The following RLN2 variants were observed in gnomAD, a reference collection of about 807,000 sequenced individuals.
RLN2 encodes the protein prorelaxin H2.
RLN2 carries 10 observed loss-of-function variants against 7.3 expected under a neutral mutation model. That is an observed-to-expected ratio of 1.36 (90% confidence interval 0.84 to 2.31). The LOEUF is 2.31. Among genes scored for constraint, RLN2 ranks in the 30% most tolerant of loss-of-function variants. The pLI, the probability that RLN2 is intolerant of heterozygous loss-of-function variation, is 0.00. For missense variants in RLN2, 298 were observed against 217.6 expected (o/e 1.37, Z -2.32); for synonymous variants, 103 against 82.3 (o/e 1.25, Z -1.36).
upstream of RLN2, among the ~76,000 whole-genome samples, chr9:5,307,810 T>A (rs1288598711): frequency 1.3e-5 from 2 of 152,070 alleles, no homozygotes; most frequent in African/African-American, 4.8e-5. Context: ...GCCTTCTACC[T>A]GCACCATCTT....
At chr9:5,325,450 T>G in the RLN2 span, among the ~76,000 whole-genome samples, 20 of 152,164 alleles carry the variant, frequency 1.3e-4, no homozygotes, top group Admixed American at 3.3e-4. Context: ...ATGAGGTAAA[T>G]ACACAATAGA....
chr9:5,323,496 G>A, the RLN2 span, among the ~76,000 whole-genome samples: 6 of 151,718 alleles, frequency 4.0e-5, no homozygotes, highest in Non-Finnish European at 8.8e-5. Flanking sequence ...TGGCTCAATA[G>A]GCAGATTTTT....
At chr9:5,307,806 T>A (rs530562886), upstream of RLN2, among the ~76,000 whole-genome samples, 20 of 152,190 alleles carry the variant, frequency 1.3e-4, no homozygotes, top group African/African-American at 4.6e-4. Context: ...TGTGGCCTTC[T>A]ACCTGCACCA....
the RLN2 span, among the ~76,000 whole-genome samples, chr9:5,324,514 G>C: frequency 2.6e-5 from 4 of 152,026 alleles, no homozygotes; most frequent in Admixed American, 2.6e-4. Context: ...TCCCTAACCT[G>C]ATGGTCCCTG....
At chr9:5,305,461 C>G (rs539689670), upstream of RLN2, among the ~76,000 whole-genome samples, 2 of 151,258 alleles carry the variant, frequency 1.3e-5, no homozygotes, top group Non-Finnish European at 1.5e-5. Flanking sequence ...CACAATCCCA[C>G]AAAGAATATT....
At chr9:5,324,746 C>T in the RLN2 span, among the ~76,000 whole-genome samples, 4 of 152,104 alleles carry the variant, frequency 2.6e-5, 1 homozygote, top group East Asian at 7.7e-4. Context: ...ACCTTTATAT[C>T]CTCATTGAAT....
rs1294413052 is a variant in RLN2, at chr9:5,302,921, C to T, written c.211+1449G>A. 1.0e-4 allele frequency among the ~76,000 whole-genome samples: 15 copies of T among 145,742 alleles called. 1 individual carries two copies. Among genetic ancestry groups the T allele is most frequent in the Admixed American group, 2.8e-4 (4 of 14,438 alleles). ...TCCACTTACTTGTTTAATATAATTT[C>T]ATTTTCTCATAAAATTCACATATAC... is the stretch of plus-strand genomic sequence containing the variant. On this transcript the variant is annotated intron_variant, in intron 1 of 1. Transcript: ENST00000381627.
At chr9:5,324,495 T>C in the RLN2 span, among the ~76,000 whole-genome samples, 1 of 152,050 alleles carries the variant, frequency 6.6e-6, no homozygotes. Context: ...ATTACCATAA[T>C]GAAATAAATC....
the RLN2 span, among the ~76,000 whole-genome samples, chr9:5,314,036 C>T: frequency 6.6e-6 from 1 of 152,046 alleles, no homozygotes; most frequent in African/African-American, 2.4e-5. Flanking sequence ...CACCTACAGT[C>T]CTCACCTCTG....
At chr9:5,304,934 A>G (rs1355133303), upstream of RLN2, 2 of 223,090 alleles carry the variant, frequency 9.0e-6, no homozygotes, top group Non-Finnish European at 1.8e-5. Context: ...TTTAGATATG[A>G]AGCCTTTCCT....
In RLN2 at chr9:5,304,634, G is replaced by C. The variant is rs1816208609; in HGVS notation, c.-54C>G. ...GACGTTGCAGCCTTTCAGGACTGCAGCTGCTGTGGCCTACACACCTGGGCC... is the reference window on the plus strand; with the variant it reads ...GACGTTGCAGCCTTTCAGGACTGCACCTGCTGTGGCCTACACACCTGGGCC... On this transcript the variant is annotated 5_prime_UTR_variant, in exon 1 of 2. Transcript: ENST00000381627. 4 of 1,556,392 alleles carry C rather than the reference G, an allele frequency of 2.6e-6. No homozygotes were observed. Among genetic ancestry groups the C allele is most frequent in the South Asian group, 1.1e-5 (1 of 89,508 alleles).
the RLN2 span, among the ~76,000 whole-genome samples, chr9:5,325,184 A>C: frequency 3.3e-5 from 5 of 151,950 alleles, no homozygotes; most frequent in Non-Finnish European, 7.4e-5. Flanking sequence ...CGATAGGGGA[A>C]TTTAAGGCTG....
the RLN2 span, among the ~76,000 whole-genome samples, chr9:5,332,262 G>A: frequency 6.6e-6 from 1 of 151,820 alleles, no homozygotes; most frequent in African/African-American, 2.4e-5. Context: ...TGTATGTGCA[G>A]AAGTAGACTG....
rs769103675 is a variant in RLN2 at position 5,300,474 on chromosome 9, G to C, written c.212-30C>G. 2.7e-6 allele frequency: 4 copies of C among 1,474,626 alleles called. No homozygotes were observed. The Admixed American group carries it at 7.6e-5, about 28-fold the overall frequency. The allele number at this position is 1,474,626 out of a possible 1,614,324, so 91.3% of individuals were successfully genotyped here. ...TAAATTTAAAAAAAAAGGTGTATGT[G>C]AGGGTATATTCATGTCAAAGAGCAC... is the stretch of plus-strand genomic sequence containing the variant. On this transcript the variant is annotated intron_variant, in intron 1 of 1. Transcript: ENST00000381627.
chr9:5,339,297 T>C, the RLN2 span: 3 of 391,278 alleles, frequency 7.7e-6, no homozygotes, highest in South Asian at 6.7e-5. Flanking sequence ...GTGAAGCAGC[T>C]TCCTGTTCTC....
upstream of RLN2, among the ~76,000 whole-genome samples, chr9:5,307,977 C>T (rs1323478955): frequency 2.6e-5 from 4 of 151,980 alleles, no homozygotes; most frequent in South Asian, 2.1e-4. Context: ...GATCTGTCAA[C>T]AACAGGCAAC....
chr9:5,317,446 T>C, the RLN2 span, among the ~76,000 whole-genome samples: 1 of 130,074 alleles, frequency 7.7e-6, no homozygotes, highest in Non-Finnish European at 1.6e-5. Flanking sequence ...AGTGAGACTC[T>C]GTCTTAAAAA....
the RLN2 span, among the ~76,000 whole-genome samples, chr9:5,329,021 C>T: frequency 6.6e-6 from 1 of 151,962 alleles, no homozygotes; most frequent in Non-Finnish European, 1.5e-5. Context: ...GAAACTGCAT[C>T]GGCCGGGTGC....
chr9:5,332,788 T>C, the RLN2 span, among the ~76,000 whole-genome samples: 1 of 151,862 alleles, frequency 6.6e-6, no homozygotes, highest in Non-Finnish European at 1.5e-5. Flanking sequence ...GCTAATTTTC[T>C]GTATTTTTAG....
Sources: allele counts gnomAD v4.1 joint callset (sites outside exome capture counted in the v4.1 genomes callset), GRCh38; gene constraint gnomAD v4.1.1; transcripts MANE v1.5; gene names NCBI Gene and HGNC (gene_info 2026-07-23, HGNC 2026-07-21).